The following TTC39B variants were observed in gnomAD, a reference collection of about 807,000 sequenced individuals.
The protein encoded by TTC39B is tetratricopeptide repeat domain 39B, also known as tetratricopeptide repeat protein 39B.
TTC39B carries 92 observed loss-of-function variants against 96.6 expected under a neutral mutation model. The observed-to-expected ratio is 0.95, with a 90% confidence interval of 0.80 to 1.13. The LOEUF (loss-of-function observed/expected upper bound fraction) is 1.13. Among genes scored for constraint, TTC39B ranks in the 50% most tolerant of loss-of-function variants. The pLI is 0.00. For missense variants in TTC39B, 955 were observed against 809.3 expected (o/e 1.18, Z -2.18); for synonymous variants, 367 against 299.4 (o/e 1.23, Z -2.33).
chr9:15,217,508 C>A (rs1281523575), intron 3 of TTC39B, among the ~76,000 whole-genome samples: 1 of 152,182 alleles, frequency 6.6e-6, no homozygotes, highest in Non-Finnish European at 1.5e-5. Flanking sequence ...TAACACCCCT[C>A]TCCAGCACAC....
chr9:15,239,675 C>G (rs979566684), intron 2 of TTC39B, among the ~76,000 whole-genome samples: 1 of 152,156 alleles, frequency 6.6e-6, no homozygotes, highest in East Asian at 1.9e-4. Flanking sequence ...AAATCAAATA[C>G]CATGGGTTCT....
intron 2 of TTC39B, among the ~76,000 whole-genome samples, chr9:15,261,175 G>C (rs1013090599): frequency 1.3e-5 from 2 of 152,118 alleles, no homozygotes; most frequent in Non-Finnish European, 2.9e-5. Flanking sequence ...TTATGAGAAA[G>C]AGGTTAATCA....
At position 15,183,355 on chromosome 9, in the gene TTC39B, T is replaced by G. The variant is rs778620835; in HGVS notation, c.1615-940A>C. On this transcript the variant is annotated intron_variant, in intron 16 of 19. Transcript: ENST00000512701. The stretch of plus-strand genomic sequence containing the variant: ...AATAACAGAATCTTTTTTAAATTGA[T>G]GATGATCTTTTAAAAATTCCTTTTA... 9.2e-6 allele frequency: 4 copies of G among 437,040 alleles called. No homozygotes were observed. The Admixed American group carries it at 1.0e-4, about 11-fold the overall frequency. 27.1% of individuals were successfully genotyped at this position (437,040 alleles called of 1,614,324 possible). A position where few individuals can be genotyped will look rare whatever the true frequency, so the allele number is the denominator to read the frequency against.
At chr9:15,251,731 A>ATATGTATG (rs1563764606) in intron 2 of TTC39B, among the ~76,000 whole-genome samples, 4 of 126,950 alleles carry the variant, frequency 3.2e-5, no homozygotes, top group African/African-American at 1.3e-4. Context: ...ATATATATAT[A>ATATGTATG]TATATGTAGT....
chr9:15,205,507 C>T (rs1213463855), intron 6 of TTC39B, among the ~76,000 whole-genome samples: 2 of 152,064 alleles, frequency 1.3e-5, no homozygotes, highest in African/African-American at 4.8e-5. Context: ...CTAAGGTCTT[C>T]AACAGTACAC....
chr9:15,292,537 A>G (rs1282128591), intron 1 of TTC39B, among the ~76,000 whole-genome samples: 2 of 152,176 alleles, frequency 1.3e-5, no homozygotes, highest in Admixed American at 6.5e-5. Flanking sequence ...TATTAAAAAA[A>G]GAAGAGTTAA....
At chr9:15,179,004 C>T (rs1282312375) in intron 17 of TTC39B, among the ~76,000 whole-genome samples, 1 of 152,140 alleles carries the variant, frequency 6.6e-6, no homozygotes, top group East Asian at 1.9e-4. Flanking sequence ...TGAAAGGCAC[C>T]TAAAATCTCC....
intron 2 of TTC39B, among the ~76,000 whole-genome samples, chr9:15,254,139 T>C (rs780697220): frequency 2.0e-5 from 3 of 151,682 alleles, no homozygotes; most frequent in Non-Finnish European, 2.9e-5. Flanking sequence ...AAACCTGGGG[T>C]GTCTATAAAT....
At chr9:15,171,422 A>G (rs143709259) in exon 20 of TTC39B, 1 of 152,300 alleles carries the variant, frequency 6.6e-6, no homozygotes, top group East Asian at 1.9e-4. Flanking sequence ...AATCAAATGA[A>G]GAGTAAAAAA....
intron 2 of TTC39B, among the ~76,000 whole-genome samples, chr9:15,230,379 C>T (rs1318338545): frequency 1.3e-5 from 2 of 152,146 alleles, no homozygotes; most frequent in Non-Finnish European, 2.9e-5. Flanking sequence ...AGTCACTCCT[C>T]ATTCTCCACT....
intron 1 of TTC39B, among the ~76,000 whole-genome samples, chr9:15,285,577 G>A (rs936455903): frequency 1.1e-4 from 16 of 152,248 alleles, no homozygotes; most frequent in South Asian, 4.2e-4. Context: ...TATACAGGCC[G>A]GGAGCGGTGG....
intron 10 of TTC39B, 106 bp from the exon 11 acceptor site, chr9:15,190,768 C>T: frequency 2.2e-6 from 2 of 901,370 alleles, no homozygotes; most frequent in Non-Finnish European, 3.5e-6. Context: ...GTACAGATTT[C>T]ATATATTACG....
chr9:15,283,796 A>T (rs1198426530), intron 1 of TTC39B, among the ~76,000 whole-genome samples: 3 of 152,218 alleles, frequency 2.0e-5, no homozygotes, highest in African/African-American at 7.2e-5. Context: ...ACTGATGCTA[A>T]GGATATTGGT....
intron 11 of TTC39B, 82 bp from the exon 12 acceptor site, chr9:15,189,874 C>T (rs757749130): frequency 3.6e-6 from 3 of 843,506 alleles, no homozygotes; most frequent in Non-Finnish European, 5.9e-6. Context: ...CATTAACATA[C>T]AGTAAAGACC....
chr9:15,282,411 G>C (rs1229977328), intron 1 of TTC39B, among the ~76,000 whole-genome samples: 1 of 152,208 alleles, frequency 6.6e-6, no homozygotes, highest in Non-Finnish European at 1.5e-5. Context: ...TGCCTTAGTT[G>C]TACTGGGGAT....
At chr9:15,188,248 C>T (rs185172520) in intron 13 of TTC39B, 116 bp from the exon 14 acceptor site, 112 of 970,014 alleles carry the variant, frequency 1.2e-4, no homozygotes, top group Non-Finnish European at 1.6e-4. Context: ...ACTCATTAAA[C>T]CTCTCAATAT....
intron 10 of TTC39B, 127 bp from the exon 11 acceptor site, chr9:15,190,789 G>C: frequency 1.3e-6 from 1 of 775,976 alleles, no homozygotes; most frequent in Non-Finnish European, 2.1e-6. Flanking sequence ...CTGTGGTGAA[G>C]TCTGGGCTTT....
chr9:15,193,441 C>T (rs571730643), intron 8 of TTC39B, among the ~76,000 whole-genome samples: 1 of 152,294 alleles, frequency 6.6e-6, no homozygotes, highest in Admixed American at 6.5e-5. Flanking sequence ...TCATGAATCA[C>T]TTGGTGTGAT....
intron 2 of TTC39B, among the ~76,000 whole-genome samples, chr9:15,227,442 T>G (rs2131410587): frequency 6.6e-6 from 1 of 152,320 alleles, no homozygotes; most frequent in East Asian, 1.9e-4. Flanking sequence ...CTTGGATATA[T>G]CAAGTTCCCT....
Sources: allele counts gnomAD v4.1 joint callset (sites outside exome capture counted in the v4.1 genomes callset), GRCh38; gene constraint gnomAD v4.1.1; transcripts MANE v1.5; gene names NCBI Gene and HGNC (gene_info 2026-07-23, HGNC 2026-07-21).